Variants in PNLIP observed in about 807,000 individuals in gnomAD.
PNLIP encodes the protein pancreatic lipase.
A neutral mutation model predicts 57.1 loss-of-function variants in PNLIP; 49 were observed. The observed-to-expected ratio is 0.86, with a 90% CI of 0.68 to 1.09. The LOEUF (loss-of-function observed/expected upper bound fraction) is 1.09. Ranked by LOEUF, PNLIP falls within the 50% of genes least tolerant of loss-of-function variation. PNLIP has a pLI of 0.00. For synonymous variants in PNLIP, 209 were observed against 200.4 expected, an observed-to-expected ratio of 1.04 and a Z score of -0.36; for missense variants, 503 against 570.2, an observed-to-expected ratio of 0.88 and a Z score of 1.20.
chr10:116,559,663 G>A (rs1847292343), intron 10 of PNLIP, among the ~76,000 whole-genome samples: 1 of 152,130 alleles, frequency 6.6e-6, no homozygotes, highest in South Asian at 2.1e-4. Context: ...GAAAGACATT[G>A]ACAGATTTAA....
rs547309232 is a variant in PNLIP at position 116,548,915 on chromosome 10, C to A, written c.324+433C>A. On this transcript the variant is annotated intron_variant, in intron 4 of 12. Transcript: ENST00000369221. Reference sequence around the variant, plus strand: ...CTCGGATCTCCTCTGGTAGCAATAACTTTGAAAACTGTGTAGGTTTTCATT... The same window carrying A: ...CTCGGATCTCCTCTGGTAGCAATAAATTTGAAAACTGTGTAGGTTTTCATT... Among the ~76,000 whole-genome samples, 4 of 152,336 alleles carry A rather than the reference C, an allele frequency of 2.6e-5. No homozygotes were observed. In the South Asian group the frequency reaches 8.3e-4, roughly 32 times the overall value.
intron 12 of PNLIP, among the ~76,000 whole-genome samples, chr10:116,565,210 A>G (rs1847352107): frequency 8.0e-6 from 1 of 125,240 alleles, no homozygotes; most frequent in Non-Finnish European, 1.6e-5. Context: ...AGATCGCACC[A>G]CTGCACTCCA....
chr10:116,563,275 C>T (rs895591953), intron 12 of PNLIP, among the ~76,000 whole-genome samples: 1 of 151,778 alleles, frequency 6.6e-6, no homozygotes, highest in African/African-American at 2.4e-5. Context: ...AGTTGAGCAT[C>T]AAAAATTAAA....
intron 5 of PNLIP, among the ~76,000 whole-genome samples, chr10:116,553,434 A>G (rs1163705405): frequency 6.6e-6 from 1 of 152,128 alleles, no homozygotes; most frequent in Non-Finnish European, 1.5e-5. Flanking sequence ...TTTTTGCTGT[A>G]TGTTTTTAGG....
At chr10:116,555,027 T>C in intron 6 of PNLIP, 151 bp from the exon 7 acceptor site, 6 of 860,396 alleles carry the variant, frequency 7.0e-6, no homozygotes, top group East Asian at 5.1e-5. Context: ...AAAATTCACT[T>C]TAAAGCAAAT....
chr10:116,559,459 G>A (rs894823878), intron 10 of PNLIP, among the ~76,000 whole-genome samples, 176 bp downstream of exon 10: 2 of 152,134 alleles, frequency 1.3e-5, no homozygotes, highest in African/African-American at 4.8e-5. Context: ...GTGGCAGAAC[G>A]GAGTTTGGGT....
intron 9 of PNLIP, among the ~76,000 whole-genome samples, chr10:116,557,905 G>A (rs925434777): frequency 2.0e-5 from 3 of 151,946 alleles, no homozygotes; most frequent in African/African-American, 7.3e-5. Context: ...TCTTCACATA[G>A]AGAAAATTCC....
At chr10:116,560,697 C>T (rs962723365) in intron 11 of PNLIP, among the ~76,000 whole-genome samples, 173 bp downstream of exon 11, 1 of 151,690 alleles carries the variant, frequency 6.6e-6, no homozygotes, top group African/African-American at 2.4e-5. Flanking sequence ...CCTGCCTTAG[C>T]CTCCCGAGTA....
intron 12 of PNLIP, among the ~76,000 whole-genome samples, chr10:116,565,249 C>CAAAAAAA (rs71010093): frequency 3.0e-5 from 1 of 33,386 alleles, no homozygotes; most frequent in Non-Finnish European, 4.8e-5. Context: ...GACAATGTCT[C>CAAAAAAA]AAAAAAAAAA....
At position 116,547,167 on chromosome 10, in the gene PNLIP, C is replaced by T. The variant is rs188098166; in HGVS notation, c.47-127C>T. 28 of 817,156 alleles carry T rather than the reference C, an allele frequency of 3.4e-5. No homozygotes were observed. The East Asian group carries it at 6.7e-4, about 20-fold the overall frequency. 50.6% of individuals were successfully genotyped at this position (817,156 alleles called of 1,614,324 possible). A position where few individuals can be genotyped will look rare whatever the true frequency, so the allele number is the denominator to read the frequency against. On this transcript the variant is annotated intron_variant, in intron 2 of 12. Transcript: ENST00000369221. ...TTGAAGCTGTTTTGTGAGTGTGTGGCTAGGAGGGTGTTGAGAGTAGCAGAG... is the reference window on the plus strand; with the variant it reads ...TTGAAGCTGTTTTGTGAGTGTGTGGTTAGGAGGGTGTTGAGAGTAGCAGAG...
chr10:116,565,737 C>T (rs1356017462), intron 12 of PNLIP, among the ~76,000 whole-genome samples: 1 of 152,040 alleles, frequency 6.6e-6, no homozygotes, highest in Non-Finnish European at 1.5e-5. Context: ...GCTGAGTCAG[C>T]GATTTTGGTG....
chr10:116,559,419 C>A, intron 10 of PNLIP, 136 bp downstream of exon 10: 1 of 663,338 alleles, frequency 1.5e-6, no homozygotes. Context: ...ATGCTCAATG[C>A]TATGTTCAAG....
intron 12 of PNLIP, among the ~76,000 whole-genome samples, chr10:116,563,446 G>A (rs1246911193): frequency 6.6e-6 from 1 of 152,092 alleles, no homozygotes; most frequent in Non-Finnish European, 1.5e-5. Context: ...TTGGTTACAT[G>A]AGTAAGTTCT....
Position 116,560,508 on chromosome 10 carries a change from C to T in PNLIP, c.1153C>T (p.Gln385Ter). Residue 385 changes from glutamine (Q) to a stop codon, truncating the protein, a stop_gained, in exon 11 of 13, where the codon CAG becomes TAG. Coordinates refer to ENST00000369221, the MANE Select transcript of PNLIP (RefSeq NM_000936.4). LOFTEE classifies it high-confidence loss of function. ...GTTCGGAAATAAAGGAAACTCTAAGCAGTATGAAATTTTCAAGTGAGTAAA... is the reference window on the plus strand; with the variant it reads ...GTTCGGAAATAAAGGAAACTCTAAGTAGTATGAAATTTTCAAGTGAGTAAA... ...SLFGNKGNSK[Q>*]YEIFKGTLKP... The T allele has an allele frequency of 6.5e-7, 1 of 1,540,382 alleles. No homozygotes were observed. Among genetic ancestry groups the T allele is most frequent in the Non-Finnish European group, 8.9e-7 (1 of 1,123,272 alleles).
chr10:116,551,968 C>T (rs927627886), intron 5 of PNLIP, among the ~76,000 whole-genome samples: 16 of 152,078 alleles, frequency 1.1e-4, no homozygotes, highest in African/African-American at 3.6e-4. Context: ...TGATGGACTT[C>T]AGATATGATG....
intron 2 of PNLIP, among the ~76,000 whole-genome samples, chr10:116,546,977 C>T (rs1384957374): frequency 6.6e-6 from 1 of 152,174 alleles, no homozygotes; most frequent in Non-Finnish European, 1.5e-5. Context: ...GGACACAGGG[C>T]TGTCCCTTTC....
At chr10:116,556,551 C>T (rs1046762031) in intron 9 of PNLIP, among the ~76,000 whole-genome samples, 8 of 151,780 alleles carry the variant, frequency 5.3e-5, no homozygotes, top group Non-Finnish European at 1.2e-4. Flanking sequence ...TTTGAATTTT[C>T]ATCTTATTTG....
intron 3 of PNLIP, 69 bp from the exon 4 acceptor site, chr10:116,548,290 CT>C: frequency 1.3e-6 from 2 of 1,499,502 alleles, no homozygotes; most frequent in Non-Finnish European, 1.8e-6. Context: ...CTTACTGCCC[CT>C]CTCCATGTAC....
intron 6 of PNLIP, among the ~76,000 whole-genome samples, 191 bp from the exon 7 acceptor site, chr10:116,554,987 A>G (rs1277649260): frequency 1.3e-5 from 2 of 152,226 alleles, no homozygotes; most frequent in Non-Finnish European, 2.9e-5. Flanking sequence ...CTATGGAGCC[A>G]TGAGGAAAGG....
Sources: gnomAD v4.1 joint callset for allele counts (sites outside exome capture counted in the v4.1 genomes callset) on GRCh38, gnomAD v4.1.1 for gene constraint, MANE v1.5 for transcripts, NCBI Gene and HGNC (gene_info 2026-07-23, HGNC 2026-07-21) for gene names.